The following CACNA2D3 variants were observed in gnomAD, a reference collection of about 807,000 sequenced individuals.
The protein encoded by CACNA2D3 is calcium voltage-gated channel auxiliary subunit alpha2delta 3.
A neutral mutation model predicts 160.6 loss-of-function variants in CACNA2D3; 60 were observed. The ratio of observed to expected loss-of-function variants is 0.37; its 90% CI spans 0.30 to 0.46. The LOEUF is 0.46. Ranked by LOEUF, CACNA2D3 falls within the 20% of genes least tolerant of loss-of-function variation. The probability of loss-of-function intolerance (pLI) is 1.00; values close to 1 mark genes in which losing one functional copy is unlikely to be tolerated. For synonymous variants in CACNA2D3, 558 were observed against 492.9 expected, an observed-to-expected ratio of 1.13 and a Z score of -1.75; for missense variants, 1,205 against 1,365.0, an observed-to-expected ratio of 0.88 and a Z score of 1.85.
intron 5 of CACNA2D3, among the ~76,000 whole-genome samples, chr3:54,554,361 T>C (rs1702206332): frequency 6.6e-6 from 1 of 152,232 alleles, no homozygotes; most frequent in Non-Finnish European, 1.5e-5. Context: ...GAATGCCTGA[T>C]ACAGTAGGTA....
chr3:54,259,000 A>G (rs1050889143), intron 2 of CACNA2D3, among the ~76,000 whole-genome samples: 12 of 152,106 alleles, frequency 7.9e-5, no homozygotes, highest in African/African-American at 2.7e-4. Flanking sequence ...ATAATTTCCT[A>G]TCTCCCATTT....
intron 13 of CACNA2D3, among the ~76,000 whole-genome samples, chr3:54,807,133 C>T (rs1024260302): frequency 2.6e-5 from 4 of 152,188 alleles, no homozygotes; most frequent in African/African-American, 7.2e-5. Flanking sequence ...CCATTCAGGA[C>T]ATAGGCATGG....
chr3:54,190,571 A>G (rs1373453173), intron 2 of CACNA2D3, among the ~76,000 whole-genome samples: 1 of 152,216 alleles, frequency 6.6e-6, no homozygotes, highest in Non-Finnish European at 1.5e-5. Flanking sequence ...GCATGTCACT[A>G]TCAGAGTTTC....
rs56708220 is a variant in CACNA2D3, at chr3:54,254,060, C to T, written c.205-66382C>T. Among the ~76,000 whole-genome samples, 1,228 of 152,226 alleles carry T rather than the reference C, an allele frequency of 8.1e-3. 14 individuals carry two copies. Among genetic ancestry groups the T allele is most frequent in the African/African-American group, 0.028 (1,174 of 41,518 alleles). On this transcript the variant is annotated intron_variant, in intron 2 of 37. Transcript: ENST00000474759. ...GATTATAGGTGTGAGCAACTGCGCC[C>T]GGCCGATTTCCTGTGTTTCTTACAG...
chr3:54,423,591 G>C (rs1044051860), intron 4 of CACNA2D3, among the ~76,000 whole-genome samples: 1 of 152,194 alleles, frequency 6.6e-6, no homozygotes, highest in African/African-American at 2.4e-5. Context: ...TCAGTGATCA[G>C]TTATCATCAT....
intron 2 of CACNA2D3, among the ~76,000 whole-genome samples, chr3:54,183,909 A>G (rs1381479924): frequency 2.6e-5 from 4 of 150,962 alleles, no homozygotes; most frequent in Non-Finnish European, 4.4e-5. Context: ...AAAAAAAAAA[A>G]AAAAAAAAAA....
chr3:54,422,193 G>A (rs564377828), intron 4 of CACNA2D3, among the ~76,000 whole-genome samples: 1 of 152,196 alleles, frequency 6.6e-6, no homozygotes, highest in South Asian at 2.1e-4. Context: ...GGTGGTTCTG[G>A]TCCCTGGGCT....
At chr3:54,552,222 C>G (rs191652137) in intron 5 of CACNA2D3, among the ~76,000 whole-genome samples, 2 of 152,204 alleles carry the variant, frequency 1.3e-5, no homozygotes, top group East Asian at 1.9e-4. Flanking sequence ...AAATTGGTAC[C>G]CAGTACTACT....
intron 4 of CACNA2D3, among the ~76,000 whole-genome samples, chr3:54,473,761 C>G (rs11130422): frequency 6.6e-6 from 1 of 151,950 alleles, no homozygotes; most frequent in Non-Finnish European, 1.5e-5. Flanking sequence ...GACATTTATG[C>G]GGCCAACAAA....
chr3:54,282,273 A>T (rs1203153085), intron 2 of CACNA2D3, among the ~76,000 whole-genome samples: 4 of 152,234 alleles, frequency 2.6e-5, no homozygotes, highest in African/African-American at 9.6e-5. Context: ...TTCAATGAAT[A>T]TTTATTAGTT....
At chr3:54,134,238 G>C (rs2107257672) in intron 2 of CACNA2D3, among the ~76,000 whole-genome samples, 1 of 152,264 alleles carries the variant, frequency 6.6e-6, no homozygotes, top group South Asian at 2.1e-4. Context: ...CTGGGGTTCT[G>C]GGTTGTGTGA....
At chr3:54,545,353 G>A (rs186954888) in intron 5 of CACNA2D3, among the ~76,000 whole-genome samples, 7 of 152,266 alleles carry the variant, frequency 4.6e-5, no homozygotes, top group Non-Finnish European at 1.0e-4. Flanking sequence ...CTGAAGGCCT[G>A]TCCTTGTCAT....
intron 11 of CACNA2D3, among the ~76,000 whole-genome samples, chr3:54,723,316 T>A (rs1174439835): frequency 4.7e-5 from 1 of 21,408 alleles, no homozygotes; most frequent in Non-Finnish European, 1.3e-4. Context: ...CAGTGGATCT[T>A]AGTTTGTTGG....
At chr3:54,646,662 G>T (rs577846441) in intron 11 of CACNA2D3, among the ~76,000 whole-genome samples, 2 of 152,210 alleles carry the variant, frequency 1.3e-5, no homozygotes, top group East Asian at 3.9e-4. Context: ...ATCACTGATG[G>T]GCATTTAGGT....
At chr3:54,852,676 C>A (rs1031746866) in intron 17 of CACNA2D3, among the ~76,000 whole-genome samples, 3 of 152,064 alleles carry the variant, frequency 2.0e-5, no homozygotes, top group Non-Finnish European at 2.9e-5. Context: ...GATGGGTCCT[C>A]ATGAAAGGTT....
intron 16 of CACNA2D3, among the ~76,000 whole-genome samples, chr3:54,842,979 CT>C (rs145158032): frequency 0.036 from 4,810 of 134,918 alleles, 98 homozygotes; most frequent in African/African-American, 0.073. Flanking sequence ...GTGAGTGTAG[CT>C]TTTTTTTTTT....
chr3:54,406,874 T>G (rs1333632482), intron 4 of CACNA2D3, among the ~76,000 whole-genome samples: 1 of 152,110 alleles, frequency 6.6e-6, no homozygotes, highest in Non-Finnish European at 1.5e-5. Context: ...ATATATTAAT[T>G]TGTTCCACTG....
At chr3:54,543,259 G>A (rs1214206914) in intron 5 of CACNA2D3, among the ~76,000 whole-genome samples, 1 of 152,160 alleles carries the variant, frequency 6.6e-6, no homozygotes, top group African/African-American at 2.4e-5. Flanking sequence ...GGAGGGTGGC[G>A]TTAGGTTGTA....
At chr3:54,578,112 A>G (rs1301508568) in intron 8 of CACNA2D3, among the ~76,000 whole-genome samples, 3 of 152,238 alleles carry the variant, frequency 2.0e-5, no homozygotes, top group African/African-American at 7.2e-5. Context: ...AAGAAGGACT[A>G]ACCACTTGGG....
Sources: allele counts gnomAD v4.1 joint callset (sites outside exome capture counted in the v4.1 genomes callset), GRCh38; gene constraint gnomAD v4.1.1; transcripts MANE v1.5; gene names NCBI Gene and HGNC (gene_info 2026-07-23, HGNC 2026-07-21).